KIF9: variants seen among roughly 807,000 people sequenced by gnomAD.
The protein encoded by KIF9 is kinesin-like protein KIF9.
A neutral mutation model predicts 94.8 loss-of-function variants in KIF9; 68 were observed. The ratio of observed to expected loss-of-function variants is 0.72; its 90% CI spans 0.59 to 0.88. The LOEUF (loss-of-function observed/expected upper bound fraction) is 0.88. Ranked by LOEUF, KIF9 falls within the 40% of genes least tolerant of loss-of-function variation. The probability of loss-of-function intolerance (pLI) is 0.00; values close to 1 mark genes in which losing one functional copy is unlikely to be tolerated. For synonymous variants in KIF9, 343 were observed against 362.1 expected (o/e 0.95, Z 0.60); for missense variants, 882 against 982.5 (o/e 0.90, Z 1.37).
chr3:47,272,307 A>T (rs1178294165), intron 4 of KIF9, among the ~76,000 whole-genome samples: 3 of 152,156 alleles, frequency 2.0e-5, no homozygotes, highest in Non-Finnish European at 4.4e-5. Flanking sequence ...TAGTAGACAC[A>T]AGTTACAGAT....
intron 20 of KIF9, among the ~76,000 whole-genome samples, chr3:47,230,403 C>T (rs1698474110): frequency 6.6e-6 from 1 of 151,916 alleles, no homozygotes; most frequent in South Asian, 2.1e-4. Flanking sequence ...CATAGGGAGA[C>T]CCAGTCTCTA....
At chr3:47,239,001 C>T (rs571499888) in intron 17 of KIF9, among the ~76,000 whole-genome samples, 12 of 152,144 alleles carry the variant, frequency 7.9e-5, no homozygotes, top group Non-Finnish European at 1.5e-5. Flanking sequence ...GAGTTCAAGA[C>T]CAGCCTGACC....
chr3:47,233,861 G>A (rs975120427), intron 20 of KIF9, among the ~76,000 whole-genome samples: 5 of 151,838 alleles, frequency 3.3e-5, no homozygotes, highest in Admixed American at 2.6e-4. Context: ...AGGCCAAGGC[G>A]GGTCGATCAC....
chr3:47,269,971 T>C (rs1701535979), intron 5 of KIF9, among the ~76,000 whole-genome samples: 1 of 151,988 alleles, frequency 6.6e-6, no homozygotes, highest in Non-Finnish European at 1.5e-5. Flanking sequence ...GGTTTCACCA[T>C]GTTGGCCAGG....
At position 47,244,852 on chromosome 3, in the gene KIF9, G is replaced by A; in HGVS notation, c.1453C>T (p.Pro485Ser). 6.2e-7 allele frequency: 1 copy of A among 1,614,118 alleles called. No homozygotes were observed. Among genetic ancestry groups the A allele is most frequent in the Non-Finnish European group, 8.5e-7 (1 of 1,180,018 alleles). The change falls in exon 15 of 21, where the codon CCT becomes TCT. Residue 485 changes from proline (P) to serine (S), a missense_variant. Pro to Ser is a moderately conservative substitution (Grantham distance 74). Transcript: ENST00000684063. ...EGQNFGLGVA[P>S]FSTKPGKKAK... is the part of the protein sequence containing the mutation. ...TTCTTCCCAGGTTTGGTAGAGAAAG[G>A]GGCGACTCCGAGTCCAAAGTTTTGT...
Position 47,240,923 on chromosome 3 carries a change from G to C in KIF9, c.1802C>G (p.Ser601Cys). Residue 601 changes from serine (S) to cysteine (C), a missense_variant, in exon 17 of 21, where the codon TCC becomes TGC. Ser to Cys is a moderately radical substitution (Grantham distance 112, BLOSUM62 -1). Coordinates refer to ENST00000684063, the MANE Select transcript of KIF9 (RefSeq NM_182902.4). The stretch of plus-strand genomic sequence containing the variant: ...CCTTTTCCTCCGTTCATTCAAGATG[G>C]ATTTGTTTTCTTTGAAAATTCGGTT... ...EINRIFKENK[S>C]ILNERRKRAS... 2 of 1,614,150 alleles carry C rather than the reference G, an allele frequency of 1.2e-6. No individual in the cohort carries two copies. The highest frequency in any genetic ancestry group is 1.7e-6 in the Non-Finnish European group (2 of 1,180,016).
rs185612201 is a variant in KIF9, at chr3:47,244,931, A to G, written c.1381-7T>C. 83 of 1,613,960 alleles carry G rather than the reference A, an allele frequency of 5.1e-5. No individual in the cohort carries two copies. The highest frequency in any genetic ancestry group is 6.9e-5 in the Non-Finnish European group (81 of 1,179,880). ...CAACATCCACAAGCCCCGCCTACAT[A>G]GAGAGGCCAGCCAAAGGTCTGTGAG... is the stretch of plus-strand genomic sequence containing the variant. On this transcript the variant is annotated splice_polypyrimidine_tract_variant and splice_region_variant and intron_variant, in intron 14 of 20. Transcript: ENST00000684063.
In KIF9 at chr3:47,236,071, C is replaced by G. The variant is rs560394239; in HGVS notation, c.2180G>C (p.Arg727Pro). 6.8e-6 allele frequency: 11 copies of G among 1,614,012 alleles called. No homozygotes were observed. The Admixed American group carries it at 1.7e-4, about 24-fold the overall frequency. Reference sequence around the variant, plus strand: ...CCTGTTCACAGGGACCATGCCTGGCCGGATGCTGCCGCCTGGCTTCAGTGC... The same window carrying G: ...CCTGTTCACAGGGACCATGCCTGGCGGGATGCTGCCGCCTGGCTTCAGTGC... ...QMALKPGGSI[R>P]PGMVPVNRIV... is the part of the protein sequence containing the mutation. The change falls in exon 19 of 21, where the codon CGG (arginine) becomes CCG (proline). Residue 727 changes from arginine (R) to proline (P), a missense_variant. Transcript: ENST00000684063.
chr3:47,282,260 C>A (rs1022992872), intron 1 of KIF9: 34 of 985,440 alleles, frequency 3.5e-5, no homozygotes, highest in Non-Finnish European at 3.6e-5. Flanking sequence ...GTCCTGGACG[C>A]GACGTGGGAC....
At position 47,241,016 on chromosome 3, in the gene KIF9, C is replaced by A; in HGVS notation, c.1710-1G>T. 6.2e-7 allele frequency: 1 copy of A among 1,614,006 alleles called. No homozygotes were observed. On this transcript the variant is annotated splice_acceptor_variant, in intron 16 of 20. Coordinates refer to ENST00000684063, the MANE Select transcript of KIF9 (RefSeq NM_182902.4). LOFTEE classifies it high-confidence loss of function. ...TGGTTTGGAGGGTGGGGTGTCGGGC[C>A]TTGAGATGAAAAGGTGAGACCAAAG...
intron 2 of KIF9, among the ~76,000 whole-genome samples, chr3:47,276,196 A>T (rs961435024): frequency 1.3e-5 from 2 of 152,198 alleles, no homozygotes; most frequent in African/African-American, 4.8e-5. Context: ...CTCTTGCTGA[A>T]ATCTTACACT....
At chr3:47,279,883 T>C (rs1042042620) in intron 1 of KIF9, among the ~76,000 whole-genome samples, 2 of 152,236 alleles carry the variant, frequency 1.3e-5, no homozygotes, top group South Asian at 2.1e-4. Flanking sequence ...GATCATTTTA[T>C]ATAAAATTAT....
intron 16 of KIF9, among the ~76,000 whole-genome samples, chr3:47,241,788 C>A (rs902624016): frequency 1.2e-5 from 1 of 82,612 alleles, no homozygotes; most frequent in African/African-American, 4.7e-5. Flanking sequence ...CATGTATATA[C>A]GTGTATATAT....
Position 47,228,593 on chromosome 3 carries a change from C to G in KIF9, c.*59G>C, listed in dbSNP as rs1698320919. 5 of 1,400,424 alleles carry G rather than the reference C, an allele frequency of 3.6e-6. No homozygotes were observed. The highest frequency in any genetic ancestry group is 5.1e-6 in the Non-Finnish European group (5 of 985,048). 86.7% of individuals were successfully genotyped at this position (1,400,424 alleles called of 1,614,324 possible). Reference sequence around the variant, plus strand: ...CAGCTCTGGGCAGGTGGTTGAGCAGCTCCACTACAGTAGGTGGGAGTTGCT... The same window carrying G: ...CAGCTCTGGGCAGGTGGTTGAGCAGGTCCACTACAGTAGGTGGGAGTTGCT... On this transcript the variant is annotated 3_prime_UTR_variant, in exon 21 of 21. Transcript: ENST00000684063.
chr3:47,232,051 C>G (rs1383845496), intron 20 of KIF9, among the ~76,000 whole-genome samples: 2 of 152,110 alleles, frequency 1.3e-5, no homozygotes, highest in Non-Finnish European at 2.9e-5. Context: ...AGAGGTGAGG[C>G]CTTTGAGAGG....
chr3:47,250,699 C>A, intron 10 of KIF9: 1 of 249,640 alleles, frequency 4.0e-6, no homozygotes, highest in East Asian at 1.1e-4. Context: ...AGTGTCTTCC[C>A]TAAAAGAGGC....
In KIF9 at chr3:47,238,746, T is replaced by C. The variant is rs536250150; in HGVS notation, c.1924+2055A>G. ...CGCAATCTCGACTCACTGCAAGCTC[T>C]GCCTCCCGGGTTTTACACCATTCTC... On this transcript the variant is annotated intron_variant, in intron 17 of 20. Transcript: ENST00000684063. Among the ~76,000 whole-genome samples, 323 of 152,188 alleles carry C rather than the reference T, an allele frequency of 2.1e-3. 4 individuals carry two copies. The highest frequency in any genetic ancestry group is 0.01 in the Middle Eastern group (3 of 294).
intron 17 of KIF9, among the ~76,000 whole-genome samples, chr3:47,238,111 T>C (rs976622790): frequency 6.6e-6 from 1 of 152,250 alleles, no homozygotes; most frequent in Non-Finnish European, 1.5e-5. Context: ...TTTCTTTTTC[T>C]TTTTCTTGAA....
intron 10 of KIF9, among the ~76,000 whole-genome samples, chr3:47,252,622 T>C (rs1327211415): frequency 1.3e-5 from 2 of 150,434 alleles, no homozygotes; most frequent in Non-Finnish European, 3.0e-5. Flanking sequence ...AAATAAAAAA[T>C]AGGGGCATGA....
Sources: allele counts gnomAD v4.1 joint callset (sites outside exome capture counted in the v4.1 genomes callset), GRCh38; gene constraint gnomAD v4.1.1; transcripts MANE v1.5; gene names NCBI Gene and HGNC (gene_info 2026-07-23, HGNC 2026-07-21).